The following MYO10 variants were observed in gnomAD, a reference collection of about 807,000 sequenced individuals.
MYO10 encodes unconventional myosin-X.
MYO10 carries 133 observed loss-of-function variants against 257.3 expected under a neutral mutation model. The ratio of observed to expected loss-of-function variants is 0.52; its 90% CI spans 0.45 to 0.60. The LOEUF is 0.60. MYO10 is among the 20% of genes least tolerant of loss of function. The probability of loss-of-function intolerance (pLI) is 0.00; values close to 1 mark genes in which losing one functional copy is unlikely to be tolerated. For missense variants in MYO10, 2,399 were observed against 2,635.7 expected, an observed-to-expected ratio of 0.91 and a Z score of 1.97; for synonymous variants, 1,104 against 1,028.6, an observed-to-expected ratio of 1.07 and a Z score of -1.40.
At chr5:16,804,735 C>T (rs1365727011) in intron 3 of MYO10, among the ~76,000 whole-genome samples, 7 of 151,950 alleles carry the variant, frequency 4.6e-5, no homozygotes, top group Non-Finnish European at 7.4e-5. Context: ...GGCAATGTGG[C>T]GAAACCCCAT....
intron 19 of MYO10, among the ~76,000 whole-genome samples, chr5:16,736,111 TGCTATA>T (rs1739786534): frequency 6.6e-6 from 1 of 152,294 alleles, no homozygotes; most frequent in Admixed American, 6.5e-5. Context: ...CCAGGCCAGT[TGCTATA>T]GAGTCTTTGA....
intron 19 of MYO10, among the ~76,000 whole-genome samples, chr5:16,725,670 G>A (rs777399237): frequency 4.6e-5 from 7 of 152,166 alleles, no homozygotes; most frequent in Admixed American, 6.5e-5. Context: ...CTATCACCCT[G>A]TGAGGTGGGT....
intron 1 of MYO10, among the ~76,000 whole-genome samples, chr5:16,888,682 C>T (rs965280087): frequency 6.6e-6 from 1 of 151,464 alleles, no homozygotes; most frequent in African/African-American, 2.4e-5. Flanking sequence ...TTCGAGGATA[C>T]AGTGAGCTCT....
chr5:16,828,547 G>C (rs1279238212), intron 2 of MYO10, among the ~76,000 whole-genome samples: 1 of 150,904 alleles, frequency 6.6e-6, no homozygotes, highest in African/African-American at 2.4e-5. Flanking sequence ...TTAAACCGAG[G>C]AGGTGCAGGT....
intron 9 of MYO10, among the ~76,000 whole-genome samples, chr5:16,775,053 C>G (rs983256715): frequency 2.0e-5 from 3 of 152,186 alleles, no homozygotes; most frequent in African/African-American, 7.2e-5. Flanking sequence ...GATCACTCAG[C>G]AAAGACTCCT....
chr5:16,738,589 A>C (rs746995105), intron 19 of MYO10, among the ~76,000 whole-genome samples: 8 of 152,180 alleles, frequency 5.3e-5, no homozygotes, highest in Admixed American at 3.3e-4. Flanking sequence ...AAAGTTAAAA[A>C]AACAACAACA....
At chr5:16,922,589 G>A (rs1207931268) in intron 1 of MYO10, among the ~76,000 whole-genome samples, 1 of 152,178 alleles carries the variant, frequency 6.6e-6, no homozygotes, top group Non-Finnish European at 1.5e-5. Flanking sequence ...GCTGCAGCAG[G>A]CAGCAGAGGA....
intron 27 of MYO10, among the ~76,000 whole-genome samples, chr5:16,692,611 G>T (rs1346650411): frequency 6.6e-6 from 1 of 152,046 alleles, no homozygotes; most frequent in East Asian, 1.9e-4. Context: ...TGCTATAAAA[G>T]GAGGTGGTTT....
At chr5:16,915,495 C>T (rs1263593847) in intron 1 of MYO10, among the ~76,000 whole-genome samples, 1 of 152,208 alleles carries the variant, frequency 6.6e-6, no homozygotes, top group Non-Finnish European at 1.5e-5. Flanking sequence ...CCGCATCCCC[C>T]TCCACAGCAT....
chr5:16,849,226 C>T (rs1023573708), intron 2 of MYO10, among the ~76,000 whole-genome samples: 3 of 152,174 alleles, frequency 2.0e-5, no homozygotes, highest in African/African-American at 7.2e-5. Flanking sequence ...TTTCTGCAAC[C>T]TCATCTGCTA....
At chr5:16,755,340 T>C (rs1192416276) in intron 18 of MYO10, among the ~76,000 whole-genome samples, 1 of 152,176 alleles carries the variant, frequency 6.6e-6, no homozygotes, top group Non-Finnish European at 1.5e-5. Flanking sequence ...GAATTTTTTG[T>C]ATTTTTAGTG....
At chr5:16,916,109 C>T (rs904798152) in intron 1 of MYO10, 10 of 456,034 alleles carry the variant, frequency 2.2e-5, no homozygotes, top group East Asian at 1.4e-4. Context: ...AAGATGTCAT[C>T]GCTGAAGTCT....
intron 1 of MYO10, among the ~76,000 whole-genome samples, chr5:16,900,290 T>C (rs957408126): frequency 1.3e-5 from 2 of 152,170 alleles, no homozygotes; most frequent in African/African-American, 4.8e-5. Context: ...AAAACTGCCC[T>C]CTCTGCCTCC....
intron 1 of MYO10, among the ~76,000 whole-genome samples, chr5:16,898,180 C>T (rs932979261): frequency 2.7e-4 from 41 of 152,030 alleles, no homozygotes; most frequent in Non-Finnish European, 4.4e-5. Context: ...CCCAGGTCAG[C>T]GTCTTTCAAC....
chr5:16,715,396 T>A (rs1011600222), intron 19 of MYO10, among the ~76,000 whole-genome samples: 1,563 of 138,416 alleles, frequency 0.011, 23 homozygotes, highest in African/African-American at 0.041. Flanking sequence ...ATTGAAATTT[T>A]TTTTTTTTTT....
rs977515713 is a variant in MYO10 at position 16,869,743 on chromosome 5, T to C, written c.120+7866A>G. 4.6e-5 allele frequency among the ~76,000 whole-genome samples: 7 copies of C among 151,252 alleles called. 1 individual carries two copies. Among genetic ancestry groups the C allele is most frequent in the African/African-American group, 1.5e-4 (6 of 40,710 alleles). On this transcript the variant is annotated intron_variant, in intron 2 of 40. Transcript: ENST00000513610. The stretch of plus-strand genomic sequence containing the variant: ...AGCCGGGCGTGCTGACGCATGCCTC[T>C]AATCCCAGCTACGTAGGAGGCTGAG...
chr5:16,794,448 A>G (rs1366196663), intron 4 of MYO10, among the ~76,000 whole-genome samples, 198 bp downstream of exon 4: 1 of 151,986 alleles, frequency 6.6e-6, no homozygotes, highest in Non-Finnish European at 1.5e-5. Flanking sequence ...GCCAAGCAAC[A>G]TGGTCCATCT....
chr5:16,669,770 A>G (rs1319977218), intron 39 of MYO10, among the ~76,000 whole-genome samples: 3 of 152,210 alleles, frequency 2.0e-5, no homozygotes, highest in African/African-American at 7.2e-5. Context: ...TATACGCTGA[A>G]TTACTGTGAT....
At position 16,670,717 on chromosome 5, in the gene MYO10, C is replaced by T. The variant is rs756663050; in HGVS notation, c.5692G>A (p.Val1898Met). 6.8e-6 allele frequency: 11 copies of T among 1,613,928 alleles called. No individual in the cohort carries two copies. Among genetic ancestry groups the T allele is most frequent in the South Asian group, 4.4e-5 (4 of 91,086 alleles). ...TLRRSFRTGSVVRQKVEEEQM... is the reference protein window; with the variant it reads ...TLRRSFRTGSMVRQKVEEEQM... ...TCCTCCTCGACCTTCTGCCGGACCA[C>T]GGATCCTGTCCGGAAGCTCCGCCTC... The change falls in exon 39 of 41, where the codon GTG (valine) becomes ATG (methionine). Residue 1898 changes from valine to methionine, a missense_variant. Val to Met is a conservative substitution (Grantham distance 21). This residue lies in a region of MYO10 where 1,820 missense variants were observed against 1,939.4 expected (regional missense o/e 0.94). Transcript: ENST00000513610.
Sources: gnomAD v4.1 joint callset for allele counts (sites outside exome capture counted in the v4.1 genomes callset) on GRCh38, gnomAD v4.1.1 for gene constraint, gnomAD v4.1.1 regional missense constraint, MANE v1.5 for transcripts, NCBI Gene and HGNC (gene_info 2026-07-23, HGNC 2026-07-21) for gene names.